Variants in RIPOR2 observed in about 807,000 individuals in gnomAD.
RIPOR2 encodes rho family-interacting cell polarization regulator 2.
In RIPOR2, 39 loss-of-function variants were observed where a neutral mutation model predicts 114.5. The observed-to-expected ratio is 0.34, with a 90% CI of 0.26 to 0.44. RIPOR2 has a LOEUF of 0.44. RIPOR2 is among the 20% of genes least tolerant of loss of function. The pLI, the probability that RIPOR2 is intolerant of heterozygous loss-of-function variation, is 1.00. For synonymous variants in RIPOR2, 445 were observed against 484.4 expected (o/e 0.92, Z 1.07); for missense variants, 1,007 against 1,255.1 (o/e 0.80, Z 2.99).
At chr6:24,935,352 G>A (rs150673915) in intron 1 of RIPOR2, among the ~76,000 whole-genome samples, 1,723 of 140,602 alleles carry the variant, frequency 0.012, 20 homozygotes, top group South Asian at 0.035. Context: ...GAGAAGGACC[G>A]AGAGAAAGAT....
intron 1 of RIPOR2, among the ~76,000 whole-genome samples, chr6:24,941,464 C>G (rs1023787680): frequency 6.6e-6 from 1 of 151,924 alleles, no homozygotes; most frequent in African/African-American, 2.4e-5. Context: ...AGCTCTTTGA[C>G]TAGAGTTAAT....
chr6:24,927,766 G>C (rs1771068788), intron 1 of RIPOR2, among the ~76,000 whole-genome samples: 1 of 152,078 alleles, frequency 6.6e-6, no homozygotes. Flanking sequence ...ATCTTCTCAG[G>C]GGTTAGGTAA....
intron 1 of RIPOR2, among the ~76,000 whole-genome samples, chr6:24,880,430 C>T (rs1383217918): frequency 6.6e-6 from 1 of 152,172 alleles, no homozygotes; most frequent in Non-Finnish European, 1.5e-5. Flanking sequence ...AGTTCTGAAA[C>T]TACACACAGT....
chr6:24,934,296 G>A (rs1439348023), intron 1 of RIPOR2, among the ~76,000 whole-genome samples: 1 of 152,090 alleles, frequency 6.6e-6, no homozygotes, highest in East Asian at 1.9e-4. Context: ...TGAAGAATGG[G>A]GCCTAAGATC....
intron 1 of RIPOR2, chr6:25,023,408 C>T (rs1581969384): frequency 1.3e-6 from 1 of 770,920 alleles, no homozygotes; most frequent in Non-Finnish European, 2.4e-6. Context: ...GGACTCCCAG[C>T]CAAGGATGTA....
At chr6:24,884,184 G>A (rs1284649659) in intron 1 of RIPOR2, among the ~76,000 whole-genome samples, 1 of 151,996 alleles carries the variant, frequency 6.6e-6, no homozygotes, top group Non-Finnish European at 1.5e-5. Flanking sequence ...TGAGGCGGGC[G>A]GATCATGAGG....
In RIPOR2 at chr6:24,832,332, A is replaced by G; in HGVS notation, c.2268T>C (p.Ser756=). 1 of 1,552,016 alleles carries G rather than the reference A, an allele frequency of 6.4e-7. No individual in the cohort carries two copies. The highest frequency in any genetic ancestry group is 8.7e-7 in the Non-Finnish European group (1 of 1,146,984). The change falls in exon 16 of 22, where the codon TCT becomes TCC. Residue 756 remains serine, a synonymous_variant. Transcript: ENST00000643898. ...GTTTCTCCATCACTTGGATCTGCCT[A>G]GAAAGCTTCTCTAAGAGACTTCTTG... The part of the protein sequence containing the change: ...FVARSLLEKL[S]RQIQVMEKLA...
intron 1 of RIPOR2, among the ~76,000 whole-genome samples, chr6:24,903,592 T>TA (rs397932627): frequency 1.1e-3 from 160 of 152,186 alleles, no homozygotes; most frequent in African/African-American, 3.4e-3. Flanking sequence ...TGTTTTTTTT[T>TA]AACTTATTTA....
At chr6:24,835,089 A>ACAAAAGAATT (rs1380051557) in intron 15 of RIPOR2, among the ~76,000 whole-genome samples, 1 of 152,238 alleles carries the variant, frequency 6.6e-6, no homozygotes, top group Non-Finnish European at 1.5e-5. Flanking sequence ...CCTTCCTGCA[A>ACAAAAGAATT]CAAAAGAATT....
intron 13 of RIPOR2, among the ~76,000 whole-genome samples, chr6:24,841,573 T>C (rs1254735942): frequency 6.6e-6 from 1 of 151,724 alleles, no homozygotes; most frequent in Non-Finnish European, 1.5e-5. Flanking sequence ...GGAAATGTAG[T>C]TTCAGATGCC....
In RIPOR2 at chr6:24,858,501, T is replaced by C. The variant is rs1763719309; in HGVS notation, c.715+2472A>G. ...AGAAAGCAGCTAATTGCAAAGACAATAGGATTTCTTGGCAGCATGAGGTTT... is the reference window on the plus strand; with the variant it reads ...AGAAAGCAGCTAATTGCAAAGACAACAGGATTTCTTGGCAGCATGAGGTTT... On this transcript the variant is annotated intron_variant, in intron 8 of 21. Transcript: ENST00000643898. This position sits in a 1 kb window ranked among gnomAD's most constrained non-coding sequence, Gnocchi z 4.0. Among the ~76,000 whole-genome samples, 1 of 152,116 alleles carries C rather than the reference T, an allele frequency of 6.6e-6. No individual in the cohort carries two copies. Among genetic ancestry groups the C allele is most frequent in the Non-Finnish European group, 1.5e-5 (1 of 68,000 alleles).
rs1035653315 is a variant in RIPOR2 at position 24,945,377 on chromosome 6, T to C, written c.77-69560A>G. Among the ~76,000 whole-genome samples the C allele has an allele frequency of 2.0e-5, 3 of 152,130 alleles. No individual in the cohort carries two copies. The East Asian group carries it at 5.8e-4, about 29-fold the overall frequency. ...GAAATGCTAAAGACAGTCCTTTAGG[T>C]TGACATAAAAGACACTGGACAGTAA... On this transcript the variant is annotated intron_variant, in intron 1 of 13. Transcript: ENST00000510784.
At chr6:24,956,566 G>A (rs768208740) in intron 1 of RIPOR2, among the ~76,000 whole-genome samples, 2 of 152,130 alleles carry the variant, frequency 1.3e-5, no homozygotes, top group African/African-American at 2.4e-5. Context: ...TGACACGCTA[G>A]GTAGTTGTAA....
At chr6:24,842,768 A>T in intron 13 of RIPOR2, 94 bp downstream of exon 13, 1 of 611,122 alleles carries the variant, frequency 1.6e-6, no homozygotes, top group Non-Finnish European at 2.5e-6. Context: ...ATTGGACAGG[A>T]TTTTTTTTTT....
At chr6:24,939,210 C>T (rs550145984), upstream of RIPOR2, among the ~76,000 whole-genome samples, 104 of 152,266 alleles carry the variant, frequency 6.8e-4, no homozygotes, top group South Asian at 7.1e-3. Flanking sequence ...ATCCCAGAGT[C>T]CAAACTCTTA....
At chr6:25,023,476 G>A (rs1340499572) in intron 1 of RIPOR2, 1 of 768,316 alleles carries the variant, frequency 1.3e-6, no homozygotes, top group Non-Finnish European at 2.4e-6. Flanking sequence ...CCTAGGACTT[G>A]GCGATGCAGT....
rs869301317 is a variant in RIPOR2 at position 25,015,896 on chromosome 6, G to GTTTTTTTTTTTTTTTTTTTTT, written c.76+25934_76+25954dup. ...TCCCCTTAAAAACGCAGGTTTTTTG[G>GTTTTTTTTTTTTTTTTTTTTT]TTTTTTTTTTTTTTTTTTTTTTTTT... On this transcript the variant is annotated intron_variant, in intron 1 of 13. Coordinates refer to the RIPOR2 transcript ENST00000510784. The GTTTTTTTTTTTTTTTTTTTTT allele has an allele frequency of 3.7e-4, 17 of 45,860 alleles. 8 individuals carry two copies. The highest frequency in any genetic ancestry group is 6.1e-4 in the Non-Finnish European group (14 of 23,006). 2.8% of individuals were successfully genotyped at this position (45,860 alleles called of 1,614,324 possible). A position where few individuals can be genotyped will look rare whatever the true frequency, so the allele number is the denominator to read the frequency against.
intron 1 of RIPOR2, among the ~76,000 whole-genome samples, chr6:25,025,831 G>T (rs1371906104): frequency 6.6e-6 from 1 of 152,166 alleles, no homozygotes; most frequent in Non-Finnish European, 1.5e-5. Context: ...AGAGTAAGAG[G>T]GTGGGTTTTC....
rs28625088 is a variant in RIPOR2 at position 24,817,976 on chromosome 6, C to T, written c.2952+566G>A. On this transcript the variant is annotated intron_variant, in intron 20 of 21. Coordinates refer to ENST00000643898, the MANE Select transcript of RIPOR2 (RefSeq NM_001286445.3). ...ATATACTTTCCTTTTCTCTCTCTCT[C>T]TCTTTTTTTTTGAGACAGAGTCTGG... Among the ~76,000 whole-genome samples the T allele has an allele frequency of 8.2e-4, 69 of 84,442 alleles. 1 individual carries two copies. Among genetic ancestry groups the T allele is most frequent in the African/African-American group, 2.5e-3 (56 of 22,404 alleles). 55.4% of individuals were successfully genotyped at this position (84,442 alleles called of 152,430 possible). A position where few individuals can be genotyped will look rare whatever the true frequency, so the allele number is the denominator to read the frequency against.
Sources: gnomAD v4.1 joint callset for allele counts (sites outside exome capture counted in the v4.1 genomes callset) on GRCh38, gnomAD v4.1.1 for gene constraint, Gnocchi (gnomAD v3.1) non-coding constraint, MANE v1.5 for transcripts, NCBI Gene and HGNC (gene_info 2026-07-23, HGNC 2026-07-21) for gene names.